GNG2: variants seen among roughly 807,000 people sequenced by gnomAD.
GNG2 encodes G protein subunit gamma 2.
Under a neutral mutation model 5.5 loss-of-function variants are expected in GNG2, and 5 were observed. The ratio of observed to expected loss-of-function variants is 0.91; its 90% CI spans 0.48 to 1.92. GNG2 has a LOEUF of 1.92. Among genes scored for constraint, GNG2 ranks in the 30% most tolerant of loss-of-function variants. GNG2 has a pLI of 0.01. For missense variants in GNG2, 55 were observed against 88.4 expected (o/e 0.62, Z 1.52); for synonymous variants, 28 against 32.0 (o/e 0.88, Z 0.42).
intron 2 of GNG2, among the ~76,000 whole-genome samples, chr14:51,922,122 G>A (rs1887049662): frequency 2.0e-5 from 3 of 152,166 alleles, no homozygotes; most frequent in Admixed American, 2.0e-4. Context: ...GCGTGTTTGT[G>A]TAATCTTCTG....
At chr14:51,952,145 GA>G in intron 3 of GNG2, 1 of 466,186 alleles carries the variant, frequency 2.1e-6, no homozygotes, top group South Asian at 3.9e-5. Flanking sequence ...ATGTGCTAGA[GA>G]GTGAAGAGAG....
chr14:51,835,788 A>C (rs894982871), intron 2 of GNG2, among the ~76,000 whole-genome samples: 20 of 152,180 alleles, frequency 1.3e-4, no homozygotes, highest in African/African-American at 4.8e-4. Context: ...TTTAGCAAAA[A>C]CTATATTTTT....
chr14:51,932,128 T>TC (rs953414285), intron 2 of GNG2, among the ~76,000 whole-genome samples: 1 of 151,086 alleles, frequency 6.6e-6, no homozygotes, highest in African/African-American at 2.4e-5. Flanking sequence ...GCGCCTATAG[T>TC]CCCAGCTACT....
chr14:51,830,642 T>G (rs1032741741), intron 2 of GNG2, among the ~76,000 whole-genome samples: 1 of 152,244 alleles, frequency 6.6e-6, no homozygotes, highest in Non-Finnish European at 1.5e-5. Flanking sequence ...TAGCAAACTT[T>G]GTTGGCTCAA....
At chr14:51,926,026 C>T in intron 2 of GNG2, among the ~76,000 whole-genome samples, 1 of 151,808 alleles carries the variant, frequency 6.6e-6, no homozygotes, top group Admixed American at 6.6e-5. Context: ...GTTTTCTTTT[C>T]TTTCTTTCTT....
At chr14:51,925,998 TG>T (rs1470115323) in intron 2 of GNG2, among the ~76,000 whole-genome samples, 1 of 152,084 alleles carries the variant, frequency 6.6e-6, no homozygotes, top group Non-Finnish European at 1.5e-5. Context: ...AGTGATCAGT[TG>T]TTTTTGTGTT....
rs149851788 is a variant in GNG2, at chr14:51,964,650, G to A, written c.88-1909G>A. ...GGAACAGAGACCCCAAAAATTCAAC[G>A]GTTTATGGGATGAGAAGAGGAAACT... On this transcript the variant is annotated intron_variant, in intron 3 of 3. Coordinates refer to ENST00000556766, the MANE Select transcript of GNG2 (RefSeq NM_053064.5). Among the ~76,000 whole-genome samples the A allele has an allele frequency of 5.9e-3, 900 of 152,190 alleles. 9 individuals carry two copies. The highest frequency in any genetic ancestry group is 0.021 in the African/African-American group (862 of 41,530).
At chr14:51,901,473 T>A (rs1285742272) in intron 2 of GNG2, among the ~76,000 whole-genome samples, 1 of 152,030 alleles carries the variant, frequency 6.6e-6, no homozygotes, top group East Asian at 1.9e-4. Flanking sequence ...AGATTACAGA[T>A]GTGAGCCACC....
intron 2 of GNG2, among the ~76,000 whole-genome samples, chr14:51,848,979 C>T (rs1326775709): frequency 6.6e-6 from 1 of 152,208 alleles, no homozygotes; most frequent in Non-Finnish European, 1.5e-5. Context: ...TGGTATATAA[C>T]AAATGATCCC....
chr14:51,942,589 C>CTTTCTTTCTTTCTTT (rs761049973), intron 2 of GNG2, among the ~76,000 whole-genome samples: 4 of 81,146 alleles, frequency 4.9e-5, no homozygotes, highest in African/African-American at 1.2e-4. Context: ...TTCTTTCTTT[C>CTTTCTTTCTTTCTTT]TTTTTTTTTT....
chr14:51,956,774 G>A (rs1185844185), intron 3 of GNG2, among the ~76,000 whole-genome samples: 1 of 152,102 alleles, frequency 6.6e-6, no homozygotes, highest in African/African-American at 2.4e-5. Flanking sequence ...TTGCCTGATG[G>A]CTTGCAAGCA....
chr14:51,830,595 T>C (rs758025903), intron 2 of GNG2, among the ~76,000 whole-genome samples: 2 of 152,242 alleles, frequency 1.3e-5, no homozygotes, highest in African/African-American at 2.4e-5. Flanking sequence ...AGTCAATTCA[T>C]GTCTTCTTTT....
At chr14:51,881,184 A>G (rs1227153155) in intron 2 of GNG2, among the ~76,000 whole-genome samples, 1 of 152,194 alleles carries the variant, frequency 6.6e-6, no homozygotes, top group Non-Finnish European at 1.5e-5. Flanking sequence ...GAAGTTATAA[A>G]ATCCAAGTTT....
intron 3 of GNG2, among the ~76,000 whole-genome samples, chr14:51,953,426 G>C (rs17124772): frequency 0.049 from 7,503 of 152,196 alleles, 412 homozygotes; most frequent in East Asian, 0.14. Flanking sequence ...TACCAAATGT[G>C]ATCAGAAAGA....
chr14:51,860,704 G>GGGCTC lies in GNG2; in HGVS notation c.-153_-152insCGGCT, dbSNP rs1448141310. 1 of 153,154 alleles carries GGGCTC rather than the reference G, an allele frequency of 6.5e-6. No homozygotes were observed. The highest frequency in any genetic ancestry group is 2.4e-5 in the African/African-American group (1 of 41,462). 9.5% of individuals were successfully genotyped at this position (153,154 alleles called of 1,614,324 possible). On this transcript the variant is annotated 5_prime_UTR_variant, in exon 1 of 4. Coordinates refer to ENST00000556766, the MANE Select transcript of GNG2 (RefSeq NM_053064.5). ...TACTACTGCTGGGCTGGGCTGGGCT[G>GGGCTC]GGCTGGGCTGCGCCGGAGCTCGCCT...
At chr14:51,852,937 C>G (rs1042240404) in intron 2 of GNG2, among the ~76,000 whole-genome samples, 1 of 151,832 alleles carries the variant, frequency 6.6e-6, no homozygotes, top group African/African-American at 2.4e-5. Flanking sequence ...TTTTTTTTTC[C>G]TGCTGGTTTA....
upstream of GNG2, among the ~76,000 whole-genome samples, chr14:51,858,797 A>G (rs1377851162): frequency 6.6e-6 from 1 of 152,118 alleles, no homozygotes; most frequent in Non-Finnish European, 1.5e-5. Flanking sequence ...TCACTACTGC[A>G]TTTCTATCTG....
chr14:51,841,484 T>C (rs993859971), intron 2 of GNG2: 2 of 701,414 alleles, frequency 2.9e-6, no homozygotes, highest in Non-Finnish European at 5.2e-6. Flanking sequence ...AGGTAGATAC[T>C]ATTTTTCTCT....
At chr14:51,888,792 T>C (rs1884636265) in intron 2 of GNG2, among the ~76,000 whole-genome samples, 1 of 152,196 alleles carries the variant, frequency 6.6e-6, no homozygotes, top group Non-Finnish European at 1.5e-5. Flanking sequence ...TTCTTTCTGC[T>C]TCCTAGGCTT....
Sources: allele counts gnomAD v4.1 joint callset (sites outside exome capture counted in the v4.1 genomes callset), GRCh38; gene constraint gnomAD v4.1.1; transcripts MANE v1.5; gene names NCBI Gene and HGNC (gene_info 2026-07-23, HGNC 2026-07-21).